STKLD1: variants seen among roughly 807,000 people sequenced by gnomAD.
The protein encoded by STKLD1 is serine/threonine kinase like domain containing 1.
In STKLD1, 79 loss-of-function variants were observed where a neutral mutation model predicts 80.4. That is an observed-to-expected ratio of 0.98 (90% CI 0.82 to 1.19). STKLD1 has a LOEUF of 1.19. Ranked by LOEUF, STKLD1 falls within the 50% of genes most tolerant of loss-of-function variation. The pLI is 0.00. For synonymous variants in STKLD1, 393 were observed against 357.6 expected, an observed-to-expected ratio of 1.10 and a Z score of -1.12; for missense variants, 841 against 856.0, an observed-to-expected ratio of 0.98 and a Z score of 0.22.
Position 133,389,440 on chromosome 9 carries a change from C to A in STKLD1, c.397-86C>A. 2 of 1,552,676 alleles carry A rather than the reference C, an allele frequency of 1.3e-6. No homozygotes were observed. The highest frequency in any genetic ancestry group is 1.2e-5 in the South Asian group (1 of 83,542). On this transcript the variant is annotated intron_variant, in intron 5 of 17. Coordinates refer to ENST00000371957, the MANE Select transcript of STKLD1 (RefSeq NM_153710.5). The surrounding 1 kb of genome is among the most constrained non-coding windows in gnomAD (Gnocchi z 6.4). ...AAGATGCAAGGAGAGGATACACCAC[C>A]ATCCTGCTGGCTGCTCTGAGTGTCA...
At chr9:133,398,823 G>A (rs1345893336) in intron 11 of STKLD1, among the ~76,000 whole-genome samples, 1 of 139,186 alleles carries the variant, frequency 7.2e-6, no homozygotes, top group Non-Finnish European at 1.6e-5. Context: ...GGAGAGTGTT[G>A]GGAAAAGCAG....
intron 11 of STKLD1, among the ~76,000 whole-genome samples, chr9:133,400,175 T>C (rs1248912706): frequency 6.6e-6 from 1 of 152,114 alleles, no homozygotes; most frequent in Admixed American, 6.5e-5. Context: ...CATCTGCATA[T>C]GGAGGGCAGC....
chr9:133,377,557 G>A (rs2130254763), intron 1 of STKLD1, among the ~76,000 whole-genome samples: 6 of 152,180 alleles, frequency 3.9e-5, no homozygotes, highest in African/African-American at 1.4e-4. Flanking sequence ...CAGCTACTCG[G>A]GAGGCTGAGG....
chr9:133,395,941 G>A (rs1007623822), intron 9 of STKLD1, 178 bp downstream of exon 9: 52 of 639,702 alleles, frequency 8.1e-5, no homozygotes, highest in Non-Finnish European at 1.2e-4. Flanking sequence ...ACCGTGCTGC[G>A]GCGAGTAATC....
chr9:133,385,574 G>C lies in STKLD1; in HGVS notation c.220-43G>C. 1 of 1,590,392 alleles carries C rather than the reference G, an allele frequency of 6.3e-7. No individual in the cohort carries two copies. The highest frequency in any genetic ancestry group is 8.6e-7 in the Non-Finnish European group (1 of 1,160,080). ...AGAAGCCCGAGCTGAGAAAGGCGTG[G>C]AGAGGCACTGACTTCTCCGTTTCCT... On this transcript the variant is annotated intron_variant, in intron 3 of 17. Transcript: ENST00000371957. This position sits in a 1 kb window ranked among gnomAD's most constrained non-coding sequence, Gnocchi z 4.9.
intron 10 of STKLD1, 146 bp downstream of exon 10, chr9:133,397,440 C>T (rs1233847131): frequency 9.3e-7 from 1 of 1,075,910 alleles, no homozygotes; most frequent in Admixed American, 2.2e-5. Context: ...CAGTTTCCCT[C>T]CATCCATCCC....
intron 12 of STKLD1, among the ~76,000 whole-genome samples, chr9:133,400,805 G>A (rs1554777501): frequency 6.6e-6 from 1 of 152,218 alleles, no homozygotes; most frequent in African/African-American, 2.4e-5. Flanking sequence ...ACCCCATCCT[G>A]GATGGCAGAG....
chr9:133,397,930 G>A (rs587737205), intron 10 of STKLD1, 42 bp from the exon 11 acceptor site: 2 of 1,564,974 alleles, frequency 1.3e-6, no homozygotes, highest in Non-Finnish European at 1.8e-6. Flanking sequence ...CCGAGGCCCT[G>A]GTCCTCAGAA....
At chr9:133,400,269 G>A (rs892156727) in intron 11 of STKLD1, 144 bp from the exon 12 acceptor site, 2 of 650,512 alleles carry the variant, frequency 3.1e-6, no homozygotes, top group Non-Finnish European at 5.5e-6. Context: ...CATGGACCTA[G>A]CGCTAATCCT....
chr9:133,396,960 C>T (rs917381151), intron 9 of STKLD1, among the ~76,000 whole-genome samples: 16 of 152,110 alleles, frequency 1.1e-4, no homozygotes, highest in African/African-American at 3.6e-4. Flanking sequence ...TGGAGTACGT[C>T]CCTGGGTGTG....
chr9:133,397,165 G>A lies in STKLD1; in HGVS notation c.868G>A (p.Asp290Asn), dbSNP rs782497386. 1 of 1,613,762 alleles carries A rather than the reference G, an allele frequency of 6.2e-7. No homozygotes were observed. The highest frequency in any genetic ancestry group is 8.5e-7 in the Non-Finnish European group (1 of 1,180,022). Residue 290 changes from aspartate (D) to asparagine (N), a missense_variant and splice_region_variant, in exon 10 of 18, where the codon GAC becomes AAC. Asp to Asn is a conservative substitution (Grantham distance 23). Transcript: ENST00000371957. ...CAGCCCTCTCTGCTCCTCTGCTAGGGACGTGGTGCACATCACCTTCTTGAG... is the reference window on the plus strand; with the variant it reads ...CAGCCCTCTCTGCTCCTCTGCTAGGAACGTGGTGCACATCACCTTCTTGAG... ...IDPSDRITIK[D>N]VVHITFLRGS...
Position 133,400,442 on chromosome 9 carries a change from G to A in STKLD1, c.1111G>A (p.Val371Met), listed in dbSNP as rs1554777413. The change falls in exon 12 of 18, where the codon GTG becomes ATG. Residue 371 changes from valine (V) to methionine (M), a missense_variant. Coordinates refer to ENST00000371957, the MANE Select transcript of STKLD1 (RefSeq NM_153710.5). ...GLPWPPELVE[V>M]VVTTMELHDR... ...GCCGTGGCCCCCGGAGCTGGTGGAG[G>A]TGGTGGTCACGACCATGGAGCTACA... 2 of 1,613,116 alleles carry A rather than the reference G, an allele frequency of 1.2e-6. No individual in the cohort carries two copies. The highest frequency in any genetic ancestry group is 1.3e-5 in the African/African-American group (1 of 75,036).
In STKLD1 at chr9:133,395,527, G is replaced by A. The variant is rs1046563676; in HGVS notation, c.703-73G>A. On this transcript the variant is annotated intron_variant, in intron 8 of 17. Transcript: ENST00000371957. ...CTCCTGGATTTCTTGGTCCCTGGTC[G>A]TCCCCTGCCCATGCTGGGACCTAGT... 4.6e-5 allele frequency: 70 copies of A among 1,508,602 alleles called. No homozygotes were observed. In the African/African-American group the frequency reaches 6.4e-4, roughly 14 times the overall value. The allele number at this position is 1,508,602 out of a possible 1,614,324, so 93.5% of individuals were successfully genotyped here.
intron 17 of STKLD1, 63 bp downstream of exon 17, chr9:133,404,992 C>CTA: frequency 1.3e-6 from 2 of 1,572,772 alleles, no homozygotes; most frequent in Non-Finnish European, 1.7e-6. Context: ...CCCGCTCCCC[C>CTA]TATAACTGAC....
Position 133,400,504 on chromosome 9 carries a change from C to T in STKLD1, c.1173C>T (p.Ser391=). 3.1e-6 allele frequency: 5 copies of T among 1,613,130 alleles called. No individual in the cohort carries two copies. Among genetic ancestry groups the T allele is most frequent in the Non-Finnish European group, 4.2e-6 (5 of 1,179,900 alleles). ...RVLDVQLCAC[S]LLLHLLGQAL... ...TCGATGTCCAGCTGTGTGCCTGCTC[C>T]CTGCTGCTGCACCTCCTGGGCCAAG... Residue 391 remains serine (S), a synonymous_variant, in exon 12 of 18, where the codon TCC becomes TCT. Coordinates refer to ENST00000371957, the MANE Select transcript of STKLD1 (RefSeq NM_153710.5).
chr9:133,397,122 G>T, intron 9 of STKLD1, 42 bp from the exon 10 acceptor site: 2 of 1,610,802 alleles, frequency 1.2e-6, no homozygotes, highest in Non-Finnish European at 1.7e-6. Flanking sequence ...AGGTGGCAGG[G>T]GGCGCTGCTG....
At chr9:133,396,510 T>G (rs1032864483) in intron 9 of STKLD1, among the ~76,000 whole-genome samples, 1 of 151,884 alleles carries the variant, frequency 6.6e-6, no homozygotes, top group African/African-American at 2.4e-5. Flanking sequence ...TCCCAGCAGT[T>G]TGGGAGGCTG....
intron 12 of STKLD1, 139 bp from the exon 13 acceptor site, chr9:133,401,599 C>T (rs1032410087): frequency 3.8e-5 from 42 of 1,107,426 alleles, no homozygotes; most frequent in Non-Finnish European, 5.2e-5. Flanking sequence ...TGGAGGCCTG[C>T]TCTGGGTCAG....
Position 133,389,831 on chromosome 9 carries a change from C to G in STKLD1, c.467+235C>G, listed in dbSNP as rs1446180462. 6.6e-6 allele frequency among the ~76,000 whole-genome samples: 1 copy of G among 152,164 alleles called. No homozygotes were observed. The highest frequency in any genetic ancestry group is 1.5e-5 in the Non-Finnish European group (1 of 68,030). ...CTGCATGGGGTGTGCGCTAGCCAGGCGGGCTGCTCTAGAGTTCGTGGAAAG... is the reference window on the plus strand; with the variant it reads ...CTGCATGGGGTGTGCGCTAGCCAGGGGGGCTGCTCTAGAGTTCGTGGAAAG... On this transcript the variant is annotated intron_variant, in intron 6 of 17. Coordinates refer to ENST00000371957, the MANE Select transcript of STKLD1 (RefSeq NM_153710.5). The surrounding 1 kb of genome is among the most constrained non-coding windows in gnomAD (Gnocchi z 6.4).
Sources: allele counts gnomAD v4.1 joint callset (sites outside exome capture counted in the v4.1 genomes callset), GRCh38; gene constraint gnomAD v4.1.1; non-coding constraint Gnocchi (gnomAD v3.1); transcripts MANE v1.5; gene names NCBI Gene and HGNC (gene_info 2026-07-23, HGNC 2026-07-21).